DNAH11: variants seen among roughly 807,000 people sequenced by gnomAD.
The protein encoded by DNAH11 is dynein axonemal heavy chain 11.
A neutral mutation model predicts 526.0 loss-of-function variants in DNAH11; 442 were observed. That is an observed-to-expected ratio of 0.84 (90% confidence interval 0.78 to 0.91). The LOEUF (loss-of-function observed/expected upper bound fraction) is 0.91, where lower values mean the gene tolerates loss of function less well. Among genes scored for constraint, DNAH11 ranks in the 40% least tolerant of loss-of-function variants. The pLI is 0.00. For synonymous variants in DNAH11, 2,461 were observed against 1,935.9 expected, an observed-to-expected ratio of 1.27 and a Z score of -7.12; for missense variants, 6,989 against 5,448.7, an observed-to-expected ratio of 1.28 and a Z score of -8.90.
chr7:21,765,509 A>T lies in DNAH11; in HGVS notation c.9022A>T (p.Ile3008Phe), dbSNP rs369862935. Reference protein sequence around the residue: ...KFPAIVNCTAIDWFHAWPQEA... With the variant: ...KFPAIVNCTAFDWFHAWPQEA... Reference sequence around the variant, plus strand: ...CCCAGCCATAGTTAACTGCACGGCTATTGACTGGTTTCATGCGTGGCCGCA... The same window carrying T: ...CCCAGCCATAGTTAACTGCACGGCTTTTGACTGGTTTCATGCGTGGCCGCA... The change falls in exon 55 of 82, where the codon ATT (isoleucine) becomes TTT (phenylalanine). Residue 3008 changes from isoleucine to phenylalanine, a missense_variant. Ile to Phe is a conservative substitution (Grantham distance 21, BLOSUM62 0). Coordinates refer to ENST00000409508, the MANE Select transcript of DNAH11 (RefSeq NM_001277115.2). 1.2e-6 allele frequency: 2 copies of T among 1,613,750 alleles called. No individual in the cohort carries two copies. Among genetic ancestry groups the T allele is most frequent in the African/African-American group, 2.7e-5 (2 of 75,008 alleles).
intron 30 of DNAH11, among the ~76,000 whole-genome samples, chr7:21,672,489 G>A (rs1178764171): frequency 1.3e-5 from 2 of 152,178 alleles, no homozygotes; most frequent in South Asian, 2.1e-4. Context: ...GTCTTGCTGT[G>A]TTGCCTAGGC....
chr7:21,850,166 C>G (rs1283874468), intron 66 of DNAH11, among the ~76,000 whole-genome samples: 1 of 150,554 alleles, frequency 6.6e-6, no homozygotes, highest in Non-Finnish European at 1.5e-5. Flanking sequence ...ACCATCCTGG[C>G]TAACACGGTG....
intron 23 of DNAH11, 117 bp downstream of exon 23, chr7:21,617,894 T>A (rs1785857179): frequency 1.1e-5 from 12 of 1,130,710 alleles, no homozygotes; most frequent in African/African-American, 7.8e-5. Context: ...GCATAGCCTC[T>A]ACTTGCTGTG....
chr7:21,900,825 G>A (rs188788111), intron 81 of DNAH11, 182 bp from the exon 82 acceptor site: 81 of 912,142 alleles, frequency 8.9e-5, no homozygotes, highest in East Asian at 5.7e-4. Context: ...CGGTGCCTCC[G>A]CTGCAGGCAG....
In DNAH11 at chr7:21,803,522, A is replaced by G. The variant is rs145443740; in HGVS notation, c.10165+2247A>G. On this transcript the variant is annotated intron_variant, in intron 62 of 81. Coordinates refer to ENST00000409508, the MANE Select transcript of DNAH11 (RefSeq NM_001277115.2). ...GAGAAAAGCTGATGTTTTTCTGGAA[A>G]TGTCTCTGACAGACTCCCACTTAAG... Among the ~76,000 whole-genome samples, 81 of 152,210 alleles carry G rather than the reference A, an allele frequency of 5.3e-4. 2 individuals carry two copies. The East Asian group carries it at 0.011, about 21-fold the overall frequency.
In DNAH11 at chr7:21,588,143, A is replaced by C; in HGVS notation, c.1790A>C (p.His597Pro). ...AGCCTACATTACAGCACACTAGTGC[A>C]TATGTTTAATACAGAGCTGGATGTG... ...IFSLHYSTLV[H>P]MFNTELDVCK... is the part of the protein sequence containing the mutation. Residue 597 changes from histidine to proline, a missense_variant, in exon 10 of 82, where the codon CAT (histidine) becomes CCT (proline). Transcript: ENST00000409508. 2 of 1,613,436 alleles carry C rather than the reference A, an allele frequency of 1.2e-6. No homozygotes were observed. The highest frequency in any genetic ancestry group is 1.7e-6 in the Non-Finnish European group (2 of 1,179,632).
At chr7:21,677,025 C>T (rs62445273) in intron 30 of DNAH11, among the ~76,000 whole-genome samples, 22,577 of 152,176 alleles carry the variant, frequency 0.15, 2,028 homozygotes, top group Non-Finnish European at 0.2. Context: ...TGGATGCTGT[C>T]GTTGCCTTTG....
At chr7:21,726,398 G>T (rs1785106375) in intron 45 of DNAH11, among the ~76,000 whole-genome samples, 1 of 151,940 alleles carries the variant, frequency 6.6e-6, no homozygotes, top group Admixed American at 6.6e-5. Context: ...GATTTGGTGG[G>T]GTCATAGATC....
chr7:21,788,286 A>T (rs1287050004), intron 60 of DNAH11, among the ~76,000 whole-genome samples: 2 of 152,196 alleles, frequency 1.3e-5, no homozygotes, highest in East Asian at 3.9e-4. Context: ...AGTGTAGTCA[A>T]TTCAATTCCC....
chr7:21,588,708 C>A, intron 11 of DNAH11, 72 bp downstream of exon 11: 1 of 1,540,864 alleles, frequency 6.5e-7, no homozygotes, highest in African/African-American at 1.4e-5. Context: ...AGAGAGTGAG[C>A]TGTTCATATT....
intron 80 of DNAH11, among the ~76,000 whole-genome samples, chr7:21,899,696 AAC>A (rs1784677119): frequency 6.6e-6 from 1 of 152,172 alleles, no homozygotes; most frequent in African/African-American, 2.4e-5. Flanking sequence ...GCTCTTATTA[AAC>A]ATTTTCTGGA....
Position 21,686,983 on chromosome 7 carries a change from T to C in DNAH11, c.5622-116T>C, listed in dbSNP as rs1783400915. On this transcript the variant is annotated intron_variant, in intron 32 of 81. Transcript: ENST00000409508. ...GAACAAATCAGAAGTATATCAGTAT[T>C]TTATGCTACTATCACATTCTAGAGC... 6 of 906,034 alleles carry C rather than the reference T, an allele frequency of 6.6e-6. 1 individual carries two copies. In the South Asian group the frequency reaches 1.7e-4, roughly 25 times the overall value. 56.1% of individuals were successfully genotyped at this position (906,034 alleles called of 1,614,324 possible).
At chr7:21,757,269 C>T (rs1165340290) in intron 54 of DNAH11, among the ~76,000 whole-genome samples, 2 of 152,144 alleles carry the variant, frequency 1.3e-5, no homozygotes. Flanking sequence ...TATAGTGATC[C>T]TCTTTATTCA....
chr7:21,545,050 G>C lies in DNAH11; in HGVS notation c.396G>C (p.Lys132Asn), dbSNP rs548141180. ...ATAAACTTGTTTTTATTTCCAAGAAGATTACTGAAAGCATTGGAGTAAATG... is the reference window on the plus strand; with the variant it reads ...ATAAACTTGTTTTTATTTCCAAGAACATTACTGAAAGCATTGGAGTAAATG... Reference protein sequence around the residue: ...ANHKLVFISKKITESIGVNDF... With the variant: ...ANHKLVFISKNITESIGVNDF... Residue 132 changes from lysine to asparagine, a missense_variant, in exon 2 of 82, where the codon AAG (lysine) becomes AAC (asparagine). By Grantham distance (94) the Lys-to-Asn change is moderately conservative. Coordinates refer to ENST00000409508, the MANE Select transcript of DNAH11 (RefSeq NM_001277115.2). 6.2e-7 allele frequency: 1 copy of C among 1,600,672 alleles called. No individual in the cohort carries two copies.
intron 25 of DNAH11, among the ~76,000 whole-genome samples, chr7:21,634,991 T>A (rs933511418): frequency 6.6e-6 from 1 of 152,110 alleles, no homozygotes; most frequent in Non-Finnish European, 1.5e-5. Context: ...CCACATTAAT[T>A]ATAGCATTCT....
At chr7:21,605,261 T>C (rs1785237730) in intron 18 of DNAH11, among the ~76,000 whole-genome samples, 1 of 152,190 alleles carries the variant, frequency 6.6e-6, no homozygotes, top group African/African-American at 2.4e-5. Context: ...ACCTTTGAGT[T>C]TTGCACTTCA....
intron 5 of DNAH11, among the ~76,000 whole-genome samples, chr7:21,562,634 G>A (rs115523818): frequency 6.6e-6 from 1 of 152,190 alleles, no homozygotes; most frequent in African/African-American, 2.4e-5. Flanking sequence ...TCTTCTCAAA[G>A]ACACACTTCA....
In DNAH11 at chr7:21,748,658, C is replaced by T. The variant is rs762164783; in HGVS notation, c.8589C>T (p.Ser2863=). The T allele has an allele frequency of 1.9e-6, 3 of 1,613,630 alleles. No individual in the cohort carries two copies. Among genetic ancestry groups the T allele is most frequent in the Non-Finnish European group, 2.5e-6 (3 of 1,179,662 alleles). ...LVGVGGSGKQ[S]LSRLAAYLRG... ...GAGTTGGGGGCAGTGGCAAGCAGAG[C>T]TTGTCCAGGCTGGCAGCTTACCTTC... Residue 2863 remains serine, a synonymous_variant, in exon 52 of 82, where the codon AGC becomes AGT. Transcript: ENST00000409508.
At chr7:21,641,870 C>T (rs1787146762) in intron 28 of DNAH11, among the ~76,000 whole-genome samples, 1 of 152,176 alleles carries the variant, frequency 6.6e-6, no homozygotes. Context: ...TAGTCCCCCT[C>T]CTTAATGAAT....
Sources: allele counts gnomAD v4.1 joint callset (sites outside exome capture counted in the v4.1 genomes callset), GRCh38; gene constraint gnomAD v4.1.1; transcripts MANE v1.5; gene names NCBI Gene and HGNC (gene_info 2026-07-23, HGNC 2026-07-21).